Variants in EP300 observed in about 807,000 individuals in gnomAD.
The protein encoded by EP300 is EP300 lysine acetyltransferase.
A neutral mutation model predicts 264.0 loss-of-function variants in EP300; 31 were observed. The observed-to-expected ratio is 0.12, with a 90% CI of 0.09 to 0.16. EP300 has a LOEUF of 0.16. Among genes scored for constraint, EP300 ranks in the 10% least tolerant of loss-of-function variants. EP300 has a pLI of 1.00. For synonymous variants in EP300, 1,340 were observed against 1,045.4 expected (o/e 1.28, Z -5.44); for missense variants, 2,766 against 3,052.9 (o/e 0.91, Z 2.21).
chr22:41,170,313 GTATCTA>G (rs776334529), intron 26 of EP300, 87 bp from the exon 27 acceptor site: 1 of 1,225,098 alleles, frequency 8.2e-7, no homozygotes, highest in Non-Finnish European at 1.2e-6. Context: ...AAAATTATTG[GTATCTA>G]TATCAACTCC....
intron 8 of EP300, among the ~76,000 whole-genome samples, 192 bp from the exon 9 acceptor site, chr22:41,139,948 C>G (rs1286494683): frequency 6.6e-6 from 1 of 152,076 alleles, no homozygotes; most frequent in East Asian, 1.9e-4. Flanking sequence ...AGAGTCATTT[C>G]TTATATTGTG....
At position 41,153,686 on chromosome 22, in the gene EP300, G is replaced by A. The variant is rs9623336; in HGVS notation, c.3143-1309G>A. Among the ~76,000 whole-genome samples, 254 of 152,314 alleles carry A rather than the reference G, an allele frequency of 1.7e-3. 1 individual carries two copies. Among genetic ancestry groups the A allele is most frequent in the African/African-American group, 5.8e-3 (242 of 41,570 alleles). ...AATCACTTGAACCCGGGAGATGGAA[G>A]GAGGTTGCAGTGAGCCAAGATGGCG... On this transcript the variant is annotated intron_variant, in intron 16 of 30. Coordinates refer to ENST00000263253, the MANE Select transcript of EP300 (RefSeq NM_001429.4).
rs758104803 is a variant in EP300 at position 41,178,234 on chromosome 22, A to C, written c.6523A>C (p.Met2175Leu). ...GCAGATGAACATGAACCACAACACC[A>C]TGCCTTCACAATTCCGAGACATCTT... ...AQQMNMNHNT[M>L]PSQFRDILRR... is the part of the protein sequence containing the mutation. Residue 2175 changes from methionine (M) to leucine (L), a missense_variant, in exon 31 of 31, where the codon ATG (methionine) becomes CTG (leucine). Physicochemically the swap from Met to Leu is conservative, Grantham distance 15 (BLOSUM62 2). Transcript: ENST00000263253. 5 of 1,613,838 alleles carry C rather than the reference A, an allele frequency of 3.1e-6. No homozygotes were observed. The highest frequency in any genetic ancestry group is 1.6e-4 in the Middle Eastern group (1 of 6,062).
Position 41,168,721 on chromosome 22 carries a change from G to A in EP300, c.4026G>A (p.Arg1342=), listed in dbSNP as rs146119145. ...TVEVKPGMKA[R]FVDSGEMAES... is the part of the protein sequence containing the mutation. Reference sequence around the variant, plus strand: ...TTCCCCCACCATCTCAATTGTATAGGTTTGTGGACAGTGGAGAGATGGCAG... The same window carrying A: ...TTCCCCCACCATCTCAATTGTATAGATTTGTGGACAGTGGAGAGATGGCAG... The change falls in exon 25 of 31, where the codon AGG becomes AGA. Residue 1342 remains arginine (R), a splice_region_variant and synonymous_variant. Coordinates refer to ENST00000263253, the MANE Select transcript of EP300 (RefSeq NM_001429.4). The A allele has an allele frequency of 2.3e-4, 378 of 1,614,176 alleles. 2 individuals are homozygous for A. Among genetic ancestry groups the A allele is most frequent in the South Asian group, 6.5e-4 (59 of 91,084 alleles).
chr22:41,135,995 C>T (rs2058948570), intron 7 of EP300, 89 bp downstream of exon 7: 11 of 1,002,808 alleles, frequency 1.1e-5, no homozygotes, highest in Admixed American at 5.4e-5. Flanking sequence ...TTAGTTTCCT[C>T]GGTTTGAGGA....
chr22:41,125,764 T>G, intron 2 of EP300, 100 bp from the exon 3 acceptor site: 3 of 1,316,908 alleles, frequency 2.3e-6, no homozygotes, highest in Non-Finnish European at 3.2e-6. Context: ...AGAATTTCCT[T>G]TGAAACTGTC....
At chr22:41,136,883 A>G (rs2058954026) in intron 7 of EP300, among the ~76,000 whole-genome samples, 1 of 150,604 alleles carries the variant, frequency 6.6e-6, no homozygotes, top group African/African-American at 2.4e-5. Flanking sequence ...AACATGGCGA[A>G]ATCCTGTCTC....
At chr22:41,160,272 A>C (rs1004519858) in intron 19 of EP300, 1 of 290,624 alleles carries the variant, frequency 3.4e-6, no homozygotes, top group Non-Finnish European at 6.7e-6. Flanking sequence ...ATTTAATGCT[A>C]ATCTGTGCTT....
chr22:41,168,795 A>G lies in EP300; in HGVS notation c.4100A>G (p.Asp1367Gly), dbSNP rs2145763610. Residue 1367 changes from aspartate to glycine, a missense_variant, in exon 25 of 31, where the codon GAT becomes GGT. By Grantham distance (94) the Asp-to-Gly change is moderately conservative (BLOSUM62 -1). Coordinates refer to ENST00000263253, the MANE Select transcript of EP300 (RefSeq NM_001429.4). ...TKALFAFEEI[D>G]GVDLCFFGMH... The stretch of plus-strand genomic sequence containing the variant: ...GCCCTCTTTGCCTTTGAAGAAATTG[A>G]TGGTGTTGACCTGTGCTTCTTTGGC... 1 of 1,614,144 alleles carries G rather than the reference A, an allele frequency of 6.2e-7. No homozygotes were observed.
At chr22:41,108,775 T>C (rs2058772356) in intron 1 of EP300, among the ~76,000 whole-genome samples, 1 of 152,244 alleles carries the variant, frequency 6.6e-6, no homozygotes, top group Non-Finnish European at 1.5e-5. Context: ...TGATGTTGAT[T>C]GGTTGATACT....
chr22:41,169,382 A>G, intron 25 of EP300, 121 bp from the exon 26 acceptor site: 1 of 731,480 alleles, frequency 1.4e-6, no homozygotes, highest in South Asian at 1.5e-5. Flanking sequence ...TGAGCTTCAC[A>G]AATAACGATG....
intron 1 of EP300, among the ~76,000 whole-genome samples, chr22:41,112,099 A>G (rs948252001): frequency 3.1e-4 from 46 of 150,484 alleles, no homozygotes; most frequent in African/African-American, 1.1e-3. Flanking sequence ...TGTGTTAGCC[A>G]GGATGGTCTC....
intron 19 of EP300, chr22:41,160,222 T>C: frequency 4.3e-6 from 1 of 234,456 alleles, no homozygotes; most frequent in Non-Finnish European, 8.6e-6. Flanking sequence ...TTTGCTTTTA[T>C]TTGCAGTAAT....
Position 41,152,203 on chromosome 22 carries a change from T to C in EP300, c.2998-3T>C, listed in dbSNP as rs759157221. On this transcript the variant is annotated splice_polypyrimidine_tract_variant and splice_region_variant and intron_variant, in intron 15 of 30. Coordinates refer to ENST00000263253, the MANE Select transcript of EP300 (RefSeq NM_001429.4). ...TACTAAAAATTCTTACGTTTTCTTT[T>C]AGTCTAAAGTGGAAGACTGTAAAAT... The C allele has an allele frequency of 6.2e-7, 1 of 1,614,060 alleles. No homozygotes were observed. Among genetic ancestry groups the C allele is most frequent in the Admixed American group, 1.7e-5 (1 of 60,014 alleles).
At position 41,176,564 on chromosome 22, in the gene EP300, C is replaced by T. The variant is rs376408346; in HGVS notation, c.5061+36C>T. 707 of 1,612,714 alleles carry T rather than the reference C, an allele frequency of 4.4e-4. 12 individuals carry two copies. The Middle Eastern group carries it at 0.012, about 28-fold the overall frequency. On this transcript the variant is annotated intron_variant, in intron 30 of 30. Coordinates refer to ENST00000263253, the MANE Select transcript of EP300 (RefSeq NM_001429.4). The stretch of plus-strand genomic sequence containing the variant: ...GGTTGTGGGAAGGAGGAGGTGAGCT[C>T]CGCAGGGTTGTTCTGAGGGGCCATG...
intron 27 of EP300, 69 bp from the exon 28 acceptor site, chr22:41,172,430 G>A: frequency 7.2e-7 from 1 of 1,382,198 alleles, no homozygotes; most frequent in Non-Finnish European, 1.0e-6. Flanking sequence ...TGTCAGCCAT[G>A]ATTATTCTGT....
chr22:41,126,366 G>A (rs1448974528), intron 3 of EP300: 2 of 246,588 alleles, frequency 8.1e-6, no homozygotes, highest in Admixed American at 1.0e-4. Context: ...TTTCACTTTT[G>A]GGGGAAGGAA....
chr22:41,142,662 G>A (rs2058989546), intron 10 of EP300, among the ~76,000 whole-genome samples: 1 of 151,976 alleles, frequency 6.6e-6, no homozygotes, highest in African/African-American at 2.4e-5. Flanking sequence ...GAGGCGGGTA[G>A]ATCATGACGT....
chr22:41,119,172 ATTATTTTTTTTT>A (rs891875829), intron 2 of EP300, among the ~76,000 whole-genome samples: 10 of 107,274 alleles, frequency 9.3e-5, no homozygotes, highest in South Asian at 2.9e-4. Flanking sequence ...CTGGCTTATT[ATTATTTTTTTTT>A]TTTTTTTTTT....
Sources: allele counts gnomAD v4.1 joint callset (sites outside exome capture counted in the v4.1 genomes callset), GRCh38; gene constraint gnomAD v4.1.1; transcripts MANE v1.5; gene names NCBI Gene and HGNC (gene_info 2026-07-23, HGNC 2026-07-21).